NEK5: variants seen among roughly 807,000 people sequenced by gnomAD.
The protein encoded by NEK5 is NIMA related kinase 5.
Under a neutral mutation model 109.2 loss-of-function variants are expected in NEK5, and 88 were observed. The ratio of observed to expected loss-of-function variants is 0.81; its 90% CI spans 0.68 to 0.96. The LOEUF is 0.96. Among genes scored for constraint, NEK5 ranks in the 40% least tolerant of loss-of-function variants. NEK5 has a pLI of 0.00. For synonymous variants in NEK5, 283 were observed against 299.9 expected (o/e 0.94, Z 0.58); for missense variants, 834 against 920.7 (o/e 0.91, Z 1.22).
chr13:52,091,983 T>A (rs1955293706), intron 13 of NEK5, among the ~76,000 whole-genome samples: 1 of 152,190 alleles, frequency 6.6e-6, no homozygotes. Flanking sequence ...TTCATATTAG[T>A]AACCTCTTTG....
chr13:52,118,752 G>A (rs1955909730), intron 4 of NEK5, among the ~76,000 whole-genome samples: 2 of 152,138 alleles, frequency 1.3e-5, no homozygotes, highest in South Asian at 4.1e-4. Flanking sequence ...CTCTCTGTAA[G>A]AGGATTACAC....
At chr13:52,078,553 T>C (rs1954910435) in intron 17 of NEK5, among the ~76,000 whole-genome samples, 1 of 152,092 alleles carries the variant, frequency 6.6e-6, no homozygotes, top group Non-Finnish European at 1.5e-5. Context: ...ACATTAAATA[T>C]GTGTGGTTTA....
At chr13:52,119,884 A>G (rs1010826507) in intron 3 of NEK5, among the ~76,000 whole-genome samples, 1 of 152,224 alleles carries the variant, frequency 6.6e-6, no homozygotes, top group Non-Finnish European at 1.5e-5. Context: ...ATTTTCAAAT[A>G]AAAATTGTCT....
At chr13:52,089,064 CTGG>C (rs1389181142) in intron 14 of NEK5, among the ~76,000 whole-genome samples, 180 bp downstream of exon 14, 1 of 151,300 alleles carries the variant, frequency 6.6e-6, no homozygotes, top group Non-Finnish European at 1.5e-5. Flanking sequence ...GCACTCCAGC[CTGG>C]TGACAGAGCG....
chr13:52,037,901 C>T (rs995986242), intron 23 of NEK5, among the ~76,000 whole-genome samples: 1 of 140,794 alleles, frequency 7.1e-6, no homozygotes, highest in Non-Finnish European at 1.6e-5. Flanking sequence ...CCAGCCTGGG[C>T]GACAGAGCGA....
At chr13:52,090,717 C>A (rs1403453395) in intron 13 of NEK5, among the ~76,000 whole-genome samples, 1 of 152,116 alleles carries the variant, frequency 6.6e-6, no homozygotes, top group Non-Finnish European at 1.5e-5. Flanking sequence ...CTCCACCCCC[C>A]AAATCCTATA....
Position 52,111,154 on chromosome 13 carries a change from T to C in NEK5, c.313-577A>G, listed in dbSNP as rs144356780. Reference sequence around the variant, plus strand: ...GATTTGATTTTATCTTTGTTGACCATGAGCCTCTTTATGAAAATGTGTTCT... The same window carrying C: ...GATTTGATTTTATCTTTGTTGACCACGAGCCTCTTTATGAAAATGTGTTCT... On this transcript the variant is annotated intron_variant, in intron 5 of 23. Transcript: ENST00000684899. 3.4e-3 allele frequency among the ~76,000 whole-genome samples: 521 copies of C among 152,344 alleles called. 4 individuals are homozygous for C. The highest frequency in any genetic ancestry group is 3.5e-3 in the Non-Finnish European group (235 of 68,028).
At chr13:52,115,146 T>C (rs542107186) in intron 4 of NEK5, among the ~76,000 whole-genome samples, 99 of 151,884 alleles carry the variant, frequency 6.5e-4, no homozygotes, top group Non-Finnish European at 1.1e-3. Context: ...TCCGAGTAGC[T>C]GGGACTACAG....
At chr13:52,073,761 A>C (rs1294659209) in intron 19 of NEK5, among the ~76,000 whole-genome samples, 1 of 152,208 alleles carries the variant, frequency 6.6e-6, no homozygotes, top group Non-Finnish European at 1.5e-5. Flanking sequence ...GGAACTGATG[A>C]ACAACTTCAG....
chr13:52,064,289 G>A (rs1954648809), intron 21 of NEK5, among the ~76,000 whole-genome samples: 1 of 138,018 alleles, frequency 7.2e-6, no homozygotes, highest in Non-Finnish European at 1.6e-5. Context: ...CCTCTGCCCG[G>A]CCGCCCCTAC....
chr13:52,037,649 C>T (rs1040413071), intron 23 of NEK5, among the ~76,000 whole-genome samples: 19 of 152,118 alleles, frequency 1.2e-4, no homozygotes, highest in South Asian at 6.2e-4. Flanking sequence ...TGTGGCCGGG[C>T]GCGGTGGCTC....
chr13:52,101,990 T>G lies in NEK5; in HGVS notation c.835A>C (p.Met279Leu), dbSNP rs374646356. Reference protein sequence around the residue: ...PEVIQEEFSHMLICRAGAPAS... With the variant: ...PEVIQEEFSHLLICRAGAPAS... ...GGCGCTCCTGCTCTGCATATAAGCA[T>G]GTGACTGAATTCTTCCTGAATGACC... Residue 279 changes from methionine (M) to leucine (L), a missense_variant, in exon 11 of 24, where the codon ATG becomes CTG. Coordinates refer to ENST00000684899, the MANE Select transcript of NEK5 (RefSeq NM_001365552.1). 1.2e-6 allele frequency: 2 copies of G among 1,614,076 alleles called. No homozygotes were observed. Among genetic ancestry groups the G allele is most frequent in the East Asian group, 4.5e-5 (2 of 44,894 alleles).
chr13:52,068,469 A>ACACG (rs1491024189), intron 20 of NEK5, among the ~76,000 whole-genome samples: 2 of 33,942 alleles, frequency 5.9e-5, no homozygotes, highest in African/African-American at 8.8e-5. Context: ...ACACAAATAC[A>ACACG]CACACACACA....
chr13:52,064,411 C>T (rs1373928365), intron 21 of NEK5, among the ~76,000 whole-genome samples: 8 of 145,196 alleles, frequency 5.5e-5, no homozygotes, highest in African/African-American at 2.0e-4. Context: ...GGGAGCCAGC[C>T]CCCCGCCCGG....
At chr13:52,084,765 GT>G (rs1955102391) in intron 16 of NEK5, among the ~76,000 whole-genome samples, 1 of 36,328 alleles carries the variant, frequency 2.8e-5, no homozygotes, top group South Asian at 8.7e-4. Context: ...GAGAGAGAGT[GT>G]GTGTGTGTGT....
intron 23 of NEK5, among the ~76,000 whole-genome samples, chr13:52,044,787 T>C (rs938208596): frequency 1.5e-4 from 23 of 152,056 alleles, no homozygotes; most frequent in African/African-American, 4.3e-4. Context: ...GAAATATATA[T>C]ACAGAAGCAT....
chr13:52,106,248 A>G (rs1955652896), intron 8 of NEK5, among the ~76,000 whole-genome samples: 1 of 151,848 alleles, frequency 6.6e-6, no homozygotes, highest in Non-Finnish European at 1.5e-5. Flanking sequence ...GTAAATCTCT[A>G]TTGTCTGAGC....
At chr13:52,063,224 C>T (rs565524781) in intron 21 of NEK5, among the ~76,000 whole-genome samples, 2 of 152,332 alleles carry the variant, frequency 1.3e-5, no homozygotes, top group East Asian at 1.9e-4. Flanking sequence ...AGACACGCGT[C>T]GCCACGCCTG....
chr13:52,084,776 T>A (rs12872515), intron 16 of NEK5, among the ~76,000 whole-genome samples: 9 of 64,422 alleles, frequency 1.4e-4, no homozygotes, highest in Admixed American at 3.0e-4. Flanking sequence ...TGTGTGTGTG[T>A]GTGTGTGTGT....
Sources: allele counts gnomAD v4.1 joint callset (sites outside exome capture counted in the v4.1 genomes callset), GRCh38; gene constraint gnomAD v4.1.1; transcripts MANE v1.5; gene names NCBI Gene and HGNC (gene_info 2026-07-23, HGNC 2026-07-21).